The following CSF2RB variants were observed in gnomAD, a reference collection of about 807,000 sequenced individuals.
The protein encoded by CSF2RB is cytokine receptor common subunit beta.
In CSF2RB, 22 loss-of-function variants were observed where a neutral mutation model predicts 67.2. That is an observed-to-expected ratio of 0.33 (90% CI 0.23 to 0.47). The LOEUF is 0.47. Ranked by LOEUF, CSF2RB falls within the 20% of genes least tolerant of loss-of-function variation. CSF2RB has a pLI of 1.00. For missense variants in CSF2RB, 1,113 were observed against 1,174.5 expected (o/e 0.95, Z 0.76); for synonymous variants, 507 against 482.9 (o/e 1.05, Z -0.65).
chr22:36,938,684 C>T lies in CSF2RB; in HGVS notation c.*182C>T. 1 of 620,774 alleles carries T rather than the reference C, an allele frequency of 1.6e-6. No homozygotes were observed. The highest frequency in any genetic ancestry group is 2.0e-5 in the South Asian group (1 of 49,046). 38.5% of individuals were successfully genotyped at this position (620,774 alleles called of 1,614,324 possible). A position where few individuals can be genotyped will look rare whatever the true frequency, so the allele number is the denominator to read the frequency against. ...TCAGCAAATCACTTCTCTCCCTGCGCTCACACAGACACACACACACACACG... is the reference window on the plus strand; with the variant it reads ...TCAGCAAATCACTTCTCTCCCTGCGTTCACACAGACACACACACACACACG... On this transcript the variant is annotated 3_prime_UTR_variant, in exon 14 of 14. Coordinates refer to ENST00000403662, the MANE Select transcript of CSF2RB (RefSeq NM_000395.3).
chr22:36,933,630 C>A (rs747169065), intron 9 of CSF2RB, among the ~76,000 whole-genome samples: 7 of 152,202 alleles, frequency 4.6e-5, no homozygotes, highest in Non-Finnish European at 8.8e-5. Context: ...GCTGCACTGA[C>A]AGGTGGAGTC....
At chr22:36,923,824 T>C in intron 3 of CSF2RB, 1 of 1,279,110 alleles carries the variant, frequency 7.8e-7, no homozygotes, top group South Asian at 1.2e-5. Context: ...GGAGGTGAGG[T>C]GCCAGCCCTG....
At chr22:36,923,151 C>T in intron 2 of CSF2RB, 93 bp from the exon 3 acceptor site, 1 of 1,597,526 alleles carries the variant, frequency 6.3e-7, no homozygotes, top group Non-Finnish European at 8.6e-7. Flanking sequence ...GGAGACCCCT[C>T]CCCAGAGCGG....
At chr22:36,918,659 G>A (rs1940778625) in intron 1 of CSF2RB, among the ~76,000 whole-genome samples, 1 of 152,188 alleles carries the variant, frequency 6.6e-6, no homozygotes, top group Non-Finnish European at 1.5e-5. Flanking sequence ...CTCCTTGAAA[G>A]CCCTGTGAAG....
chr22:36,921,379 G>T (rs1378298444), intron 1 of CSF2RB, among the ~76,000 whole-genome samples: 4 of 151,308 alleles, frequency 2.6e-5, no homozygotes, highest in Non-Finnish European at 5.9e-5. Context: ...GTATGTGTGT[G>T]CATGTTTTGT....
chr22:36,923,910 C>T (rs1258831657), intron 3 of CSF2RB: 2 of 598,202 alleles, frequency 3.3e-6, no homozygotes, highest in Non-Finnish European at 5.2e-6. Context: ...CCAGGCCCCC[C>T]CTCCGTATGT....
In CSF2RB at chr22:36,937,323, C is replaced by G; in HGVS notation, c.1569-54C>G. 1.2e-6 allele frequency: 2 copies of G among 1,602,392 alleles called. No homozygotes were observed. Among genetic ancestry groups the G allele is most frequent in the Non-Finnish European group, 1.7e-6 (2 of 1,176,892 alleles). On this transcript the variant is annotated intron_variant, in intron 13 of 13. Coordinates refer to ENST00000403662, the MANE Select transcript of CSF2RB (RefSeq NM_000395.3). The surrounding 1 kb of genome is among the most constrained non-coding windows in gnomAD (Gnocchi z 4.6). The stretch of plus-strand genomic sequence containing the variant: ...CCCCACCAAGACCCTTGTGCCTGAC[C>G]CGGATCATCTGCCCAGGGTGGTCCC...
At position 36,932,907 on chromosome 22, in the gene CSF2RB, G is replaced by A. The variant is rs375322656; in HGVS notation, c.1152+3G>A. ...GGAAAGACACGGCCACGTGGAAGGTGAGGGCCTTTGCCCAGGGAGGGGAGA... is the reference window on the plus strand; with the variant it reads ...GGAAAGACACGGCCACGTGGAAGGTAAGGGCCTTTGCCCAGGGAGGGGAGA... On this transcript the variant is annotated splice_donor_region_variant and intron_variant, in intron 9 of 13. Transcript: ENST00000403662. 117 of 1,613,912 alleles carry A rather than the reference G, an allele frequency of 7.2e-5. No homozygotes were observed. In the African/African-American group the frequency reaches 1.3e-3, roughly 18 times the overall value.
Position 36,930,699 on chromosome 22 carries a change from G to A in CSF2RB, c.881G>A (p.Arg294Lys), listed in dbSNP as rs760148608. Residue 294 changes from arginine to lysine, a missense_variant, in exon 8 of 14, where the codon AGG (arginine) becomes AAG (lysine). This residue lies in a region of CSF2RB where 559 missense variants were observed against 656.5 expected (regional missense o/e 0.85). Transcript: ENST00000403662. ...GAGGAAGAGTGCTCCCCAGTGCTGA[G>A]GGAGGGGCTCGGCAGCCTCCACACC... ...AGEEECSPVL[R>K]EGLGSLHTRH... 3.6e-5 allele frequency: 58 copies of A among 1,612,952 alleles called. No homozygotes were observed. In the East Asian group the frequency reaches 1.3e-3, roughly 36 times the overall value.
chr22:36,932,711 T>A (rs1941174107), intron 8 of CSF2RB, 54 bp from the exon 9 acceptor site: 1 of 1,595,764 alleles, frequency 6.3e-7, no homozygotes. Flanking sequence ...ACACGGGGAA[T>A]GTTCCGTTGG....
Position 36,923,314 on chromosome 22 carries a change from C to T in CSF2RB, c.147C>T (p.Asp49=). The T allele has an allele frequency of 6.2e-7, 1 of 1,614,230 alleles. No individual in the cohort carries two copies. The highest frequency in any genetic ancestry group is 8.5e-7 in the Non-Finnish European group (1 of 1,180,042). Residue 49 remains aspartate, a synonymous_variant, in exon 3 of 14, where the codon GAC becomes GAT. Transcript: ENST00000403662. ...YTSHITCRWA[D]TQDAQRLVNV... ...GCCACATCACCTGCAGGTGGGCAGA[C>T]ACCCAGGATGCCCAGCGGCTCGTCA...
rs1322068694 is a variant in CSF2RB, at chr22:36,937,719, G to A, written c.1911G>A (p.Val637=). 3.2e-6 allele frequency: 5 copies of A among 1,557,244 alleles called. No individual in the cohort carries two copies. The highest frequency in any genetic ancestry group is 2.4e-5 in the East Asian group (1 of 41,468). ...TGTGTCTGCCTGCTGGGGGGCAGGTGCAACTGGTCCCTCTGGCCCAGGCGA... is the reference window on the plus strand; with the variant it reads ...TGTGTCTGCCTGCTGGGGGGCAGGTACAACTGGTCCCTCTGGCCCAGGCGA... ...EYLCLPAGGQ[V]QLVPLAQAMG... Residue 637 remains valine, a synonymous_variant, in exon 14 of 14, where the codon GTG becomes GTA. Coordinates refer to ENST00000403662, the MANE Select transcript of CSF2RB (RefSeq NM_000395.3). This position sits in a 1 kb window ranked among gnomAD's most constrained non-coding sequence, Gnocchi z 4.6.
In CSF2RB at chr22:36,934,000, T is replaced by G; in HGVS notation, c.1315+6T>G. The G allele has an allele frequency of 1.2e-6, 2 of 1,611,210 alleles. No individual in the cohort carries two copies. The highest frequency in any genetic ancestry group is 8.5e-7 in the Non-Finnish European group (1 of 1,179,782). The stretch of plus-strand genomic sequence containing the variant: ...CTCCTGGGACACCGAGTCGGGTAGG[T>G]GAAGGCTGGAGTCCAGAGCTTCTGG... On this transcript the variant is annotated splice_donor_region_variant and intron_variant, in intron 10 of 13. Transcript: ENST00000403662.
At chr22:36,933,790 A>G in intron 9 of CSF2RB, 42 bp from the exon 10 acceptor site, 2 of 1,579,578 alleles carry the variant, frequency 1.3e-6, no homozygotes, top group Non-Finnish European at 1.7e-6. Flanking sequence ...AGCTGCTCCC[A>G]CGGGCACCGG....
chr22:36,938,340 C>T lies in CSF2RB; in HGVS notation c.2532C>T (p.Pro844=), dbSNP rs145966238. 5.6e-5 allele frequency: 91 copies of T among 1,614,084 alleles called. 1 individual carries two copies. In the Middle Eastern group the frequency reaches 6.6e-4, roughly 12 times the overall value. The change falls in exon 14 of 14, where the codon CCC becomes CCT. Residue 844 remains proline (P), a synonymous_variant. Coordinates refer to ENST00000403662, the MANE Select transcript of CSF2RB (RefSeq NM_000395.3). ...SLRSKPSSPG[P]GPEIKNLDQA... Reference sequence around the variant, plus strand: ...GGAGTAAACCTTCTTCCCCGGGACCCGGTCCTGAGATCAAGAACCTAGACC... The same window carrying T: ...GGAGTAAACCTTCTTCCCCGGGACCTGGTCCTGAGATCAAGAACCTAGACC...
At position 36,914,184 on chromosome 22, in the gene CSF2RB, A is replaced by T. The variant is rs139296103; in HGVS notation, c.-173+507A>T. Among the ~76,000 whole-genome samples the T allele has an allele frequency of 7.0e-3, 1,064 of 152,028 alleles. 19 individuals carry two copies. Among genetic ancestry groups the T allele is most frequent in the African/African-American group, 0.024 (1,005 of 41,456 alleles). On this transcript the variant is annotated intron_variant, in intron 1 of 13. Coordinates refer to ENST00000403662, the MANE Select transcript of CSF2RB (RefSeq NM_000395.3). Reference sequence around the variant, plus strand: ...TGCTCGTGTGTTTGCCCGTGTGTGCATTTGTGTGTGTGCCTGTGTGTGTAT... The same window carrying T: ...TGCTCGTGTGTTTGCCCGTGTGTGCTTTTGTGTGTGTGCCTGTGTGTGTAT...
intron 1 of CSF2RB, 77 bp downstream of exon 1, chr22:36,913,754 AAGG>A (rs1262463760): frequency 1.3e-5 from 2 of 152,834 alleles, no homozygotes; most frequent in African/African-American, 4.8e-5. Flanking sequence ...CAGGATGAAA[AAGG>A]ACAGGGGGAG....
chr22:36,934,030 G>A, intron 10 of CSF2RB, 36 bp downstream of exon 10: 1 of 1,609,172 alleles, frequency 6.2e-7, no homozygotes, highest in Non-Finnish European at 8.5e-7. Flanking sequence ...TTCTGGCCAG[G>A]ACCAGCTCAT....
At chr22:36,917,139 T>C (rs1940738169) in intron 1 of CSF2RB, among the ~76,000 whole-genome samples, 1 of 152,214 alleles carries the variant, frequency 6.6e-6, no homozygotes, top group Non-Finnish European at 1.5e-5. Flanking sequence ...AAATGTCTTG[T>C]TTATTATTAA....
Sources: gnomAD v4.1 joint callset for allele counts (sites outside exome capture counted in the v4.1 genomes callset) on GRCh38, gnomAD v4.1.1 for gene constraint, gnomAD v4.1.1 regional missense constraint, Gnocchi (gnomAD v3.1) non-coding constraint, MANE v1.5 for transcripts, NCBI Gene and HGNC (gene_info 2026-07-23, HGNC 2026-07-21) for gene names.